Variants in PHF20 observed in about 807,000 individuals in gnomAD.
PHF20 encodes PHD finger protein 20.
In PHF20, 23 loss-of-function variants were observed where a neutral mutation model predicts 113.5. The observed-to-expected ratio is 0.20, with a 90% confidence interval of 0.15 to 0.29. The LOEUF is 0.29. Among genes scored for constraint, PHF20 ranks in the 10% least tolerant of loss-of-function variants. The pLI, the probability that PHF20 is intolerant of heterozygous loss-of-function variation, is 1.00. For missense variants in PHF20, 943 were observed against 1,219.6 expected (o/e 0.77, Z 3.38); for synonymous variants, 434 against 457.3 (o/e 0.95, Z 0.65).
intron 1 of PHF20, among the ~76,000 whole-genome samples, chr20:35,794,300 CAAAAAA>C (rs369191805): frequency 2.1e-5 from 2 of 96,116 alleles, no homozygotes; most frequent in African/African-American, 6.9e-5. Context: ...AACTCTGTCT[CAAAAAA>C]AAAAAAAAAA....
At chr20:35,784,157 G>T (rs971522872) in intron 1 of PHF20, among the ~76,000 whole-genome samples, 4 of 150,978 alleles carry the variant, frequency 2.6e-5, no homozygotes, top group African/African-American at 9.7e-5. Context: ...GGGTTCAAGC[G>T]ATTCTCCTGC....
At chr20:35,786,938 C>T (rs1290298039) in intron 1 of PHF20, among the ~76,000 whole-genome samples, 1 of 151,328 alleles carries the variant, frequency 6.6e-6, no homozygotes, top group Non-Finnish European at 1.5e-5. Context: ...ATGTGATTAT[C>T]TTCTTGAATC....
chr20:35,914,611 C>T (rs560986204), intron 12 of PHF20, among the ~76,000 whole-genome samples: 1 of 152,202 alleles, frequency 6.6e-6, no homozygotes, highest in South Asian at 2.1e-4. Flanking sequence ...AACTATTCAT[C>T]AACAAGAGAT....
chr20:35,888,938 T>G (rs1656467441), intron 9 of PHF20, among the ~76,000 whole-genome samples: 1 of 151,508 alleles, frequency 6.6e-6, no homozygotes, highest in African/African-American at 2.4e-5. Flanking sequence ...TACATACCTG[T>G]GTGTGAGACT....
intron 2 of PHF20, among the ~76,000 whole-genome samples, chr20:35,841,003 A>G (rs1600810688): frequency 6.6e-6 from 1 of 152,186 alleles, no homozygotes; most frequent in Non-Finnish European, 1.5e-5. Context: ...ATGCATATAT[A>G]AGCATATGTG....
At chr20:35,806,614 A>G (rs998341314) in intron 2 of PHF20, among the ~76,000 whole-genome samples, 1 of 152,124 alleles carries the variant, frequency 6.6e-6, no homozygotes, top group African/African-American at 2.4e-5. Context: ...TACCACTTGT[A>G]TGTACTAAGC....
intron 1 of PHF20, among the ~76,000 whole-genome samples, chr20:35,777,821 A>G (rs2041206015): frequency 1.3e-5 from 2 of 152,216 alleles, no homozygotes; most frequent in Admixed American, 1.3e-4. Context: ...GTGCTCTTCT[A>G]GGAACACACA....
intron 14 of PHF20, among the ~76,000 whole-genome samples, chr20:35,930,025 T>C (rs2055721566): frequency 6.6e-6 from 1 of 152,236 alleles, no homozygotes; most frequent in Admixed American, 6.5e-5. Context: ...CCTGGGACTT[T>C]GGAGCAGGTC....
At chr20:35,834,256 T>C (rs2042401809) in intron 2 of PHF20, among the ~76,000 whole-genome samples, 1 of 147,178 alleles carries the variant, frequency 6.8e-6, no homozygotes, top group African/African-American at 2.5e-5. Context: ...GGTTTTTTTT[T>C]TTTTTTTTTT....
intron 2 of PHF20, among the ~76,000 whole-genome samples, chr20:35,810,120 G>A (rs2041951437): frequency 6.6e-6 from 1 of 152,030 alleles, no homozygotes; most frequent in Non-Finnish European, 1.5e-5. Flanking sequence ...AGTAGAGATG[G>A]GGTTTCATTA....
Position 35,871,925 on chromosome 20 carries a change from T to A in PHF20, c.1282+96T>A, listed in dbSNP as rs2054430428. The A allele has an allele frequency of 3.5e-6, 3 of 859,556 alleles. No homozygotes were observed. The South Asian group carries it at 6.3e-5, about 18-fold the overall frequency. The allele number at this position is 859,556 out of a possible 1,614,324, so 53.2% of individuals were successfully genotyped here. ...AAAAAATGACTTTTCTGTTGTTGTT[T>A]TTCACCTTTTATTAATATTCCCTTA... On this transcript the variant is annotated intron_variant, in intron 9 of 17. Coordinates refer to ENST00000374012, the MANE Select transcript of PHF20 (RefSeq NM_016436.5).
intron 2 of PHF20, among the ~76,000 whole-genome samples, chr20:35,834,648 A>G (rs1301098796): frequency 6.6e-6 from 1 of 151,848 alleles, no homozygotes; most frequent in African/African-American, 2.4e-5. Flanking sequence ...GAGCTCACCA[A>G]ACTTCTCTTT....
At chr20:35,819,373 G>A (rs2042129980) in intron 2 of PHF20, among the ~76,000 whole-genome samples, 1 of 152,120 alleles carries the variant, frequency 6.6e-6, no homozygotes, top group South Asian at 2.1e-4. Flanking sequence ...TGTCAGGAGT[G>A]TGCCATCTGT....
intron 2 of PHF20, among the ~76,000 whole-genome samples, chr20:35,840,837 A>G (rs775580057): frequency 3.3e-5 from 5 of 152,032 alleles, no homozygotes; most frequent in African/African-American, 4.8e-5. Flanking sequence ...CTTGGCCACC[A>G]ATTGTAAGGA....
chr20:35,844,483 T>C (rs547129422), intron 3 of PHF20, among the ~76,000 whole-genome samples: 150 of 142,178 alleles, frequency 1.1e-3, no homozygotes, highest in Non-Finnish European at 1.6e-3. Context: ...TTTGTCAAGC[T>C]CCTCACTCTG....
chr20:35,832,353 C>A (rs1035439135), intron 2 of PHF20, among the ~76,000 whole-genome samples: 2 of 152,128 alleles, frequency 1.3e-5, no homozygotes, highest in Non-Finnish European at 2.9e-5. Context: ...ATTATTTGTA[C>A]CTATAGACAT....
chr20:35,898,666 A>C (rs560341665), intron 9 of PHF20, among the ~76,000 whole-genome samples: 1 of 151,912 alleles, frequency 6.6e-6, no homozygotes, highest in African/African-American at 2.4e-5. Flanking sequence ...GCTGGAGTGC[A>C]ATGGCATGAT....
intron 15 of PHF20, among the ~76,000 whole-genome samples, chr20:35,935,231 T>C (rs1424741582): frequency 6.6e-6 from 1 of 152,218 alleles, no homozygotes; most frequent in East Asian, 1.9e-4. Context: ...TCCTCCCACC[T>C]CAGCCTCCTG....
At chr20:35,917,163 G>A in intron 12 of PHF20, 1 of 413,664 alleles carries the variant, frequency 2.4e-6, no homozygotes, top group Non-Finnish European at 4.7e-6. Context: ...AGAGTTGTCA[G>A]GGATGGTGGC....
Sources: allele counts gnomAD v4.1 joint callset (sites outside exome capture counted in the v4.1 genomes callset), GRCh38; gene constraint gnomAD v4.1.1; transcripts MANE v1.5; gene names NCBI Gene and HGNC (gene_info 2026-07-23, HGNC 2026-07-21).